The following CNTNAP5 variants were observed in gnomAD, a reference collection of about 807,000 sequenced individuals.
The protein encoded by CNTNAP5 is contactin-associated protein-like 5.
A neutral mutation model predicts 150.2 loss-of-function variants in CNTNAP5; 72 were observed. The observed-to-expected ratio is 0.48, with a 90% CI of 0.40 to 0.58. The LOEUF (loss-of-function observed/expected upper bound fraction) is 0.58, where lower values mean the gene tolerates loss of function less well. Ranked by LOEUF, CNTNAP5 falls within the 20% of genes least tolerant of loss-of-function variation. CNTNAP5 has a pLI of 0.00. For synonymous variants in CNTNAP5, 672 were observed against 619.8 expected, an observed-to-expected ratio of 1.08 and a Z score of -1.25; for missense variants, 1,636 against 1,626.2, an observed-to-expected ratio of 1.01 and a Z score of -0.10.
intron 13 of CNTNAP5, among the ~76,000 whole-genome samples, chr2:124,734,258 CAGAG>C (rs138532680): frequency 1.3e-5 from 2 of 150,012 alleles, no homozygotes; most frequent in Non-Finnish European, 3.0e-5. Flanking sequence ...CAAATGAACA[CAGAG>C]AGAGAGAGAG....
chr2:124,367,362 G>C (rs192506138), intron 3 of CNTNAP5, among the ~76,000 whole-genome samples: 1 of 152,100 alleles, frequency 6.6e-6, no homozygotes, highest in Admixed American at 6.5e-5. Context: ...ATGGTGGAAG[G>C]GGAAGCAAAC....
chr2:124,669,996 T>C (rs1056974139), intron 13 of CNTNAP5, among the ~76,000 whole-genome samples: 1 of 152,166 alleles, frequency 6.6e-6, no homozygotes, highest in African/African-American at 2.4e-5. Flanking sequence ...AGTGATCCAG[T>C]GTCCATCCCC....
Position 124,672,770 on chromosome 2 carries a change from G to A in CNTNAP5, c.2077+24812G>A, listed in dbSNP as rs575814486. 3.3e-5 allele frequency among the ~76,000 whole-genome samples: 5 copies of A among 152,238 alleles called. No homozygotes were observed. The East Asian group carries it at 5.8e-4, about 18-fold the overall frequency. ...ATATGTTCAATAAGTTGGTGTACAT[G>A]TTAAAAAGACTAAAATATGAGTAGG... On this transcript the variant is annotated intron_variant, in intron 13 of 23. Coordinates refer to ENST00000682447, the MANE Select transcript of CNTNAP5 (RefSeq NM_001367498.1).
intron 1 of CNTNAP5, among the ~76,000 whole-genome samples, chr2:124,029,145 ACT>A (rs1489564856): frequency 6.6e-6 from 1 of 151,978 alleles, no homozygotes; most frequent in Non-Finnish European, 1.5e-5. Context: ...GGGATCAAAA[ACT>A]CTTCATTCTA....
At chr2:124,328,112 A>G (rs1689265541) in intron 3 of CNTNAP5, among the ~76,000 whole-genome samples, 1 of 152,172 alleles carries the variant, frequency 6.6e-6, no homozygotes, top group South Asian at 2.1e-4. Context: ...TTTTTAAAAA[A>G]GTTATGTTTA....
chr2:124,365,490 G>A (rs188174815), intron 3 of CNTNAP5, among the ~76,000 whole-genome samples: 5 of 152,134 alleles, frequency 3.3e-5, no homozygotes, highest in Admixed American at 3.3e-4. Flanking sequence ...GTTCAGCTTA[G>A]AATTTCCAAA....
At chr2:124,543,280 G>A (rs1399694559) in intron 10 of CNTNAP5, among the ~76,000 whole-genome samples, 2 of 150,982 alleles carry the variant, frequency 1.3e-5, no homozygotes, top group African/African-American at 2.4e-5. Context: ...AAGCATAGGA[G>A]CACATTATCC....
At chr2:124,605,732 C>T (rs542844086) in intron 11 of CNTNAP5, among the ~76,000 whole-genome samples, 3 of 135,890 alleles carry the variant, frequency 2.2e-5, no homozygotes, top group Non-Finnish European at 1.5e-5. Context: ...AGGAGAATTG[C>T]TTGGACCTGG....
At chr2:124,863,592 A>T (rs992510111) in intron 19 of CNTNAP5, among the ~76,000 whole-genome samples, 1 of 152,186 alleles carries the variant, frequency 6.6e-6, no homozygotes, top group Non-Finnish European at 1.5e-5. Context: ...ACATTTTTCT[A>T]TTCTTAATTT....
At chr2:124,399,564 C>T (rs182743510) in intron 3 of CNTNAP5, among the ~76,000 whole-genome samples, 161 of 151,888 alleles carry the variant, frequency 1.1e-3, no homozygotes, top group African/African-American at 3.6e-3. Flanking sequence ...TAAGGATGAG[C>T]GAGCATCCTA....
intron 1 of CNTNAP5, among the ~76,000 whole-genome samples, chr2:124,175,207 A>G (rs929846987): frequency 7.4e-6 from 1 of 135,516 alleles, no homozygotes; most frequent in African/African-American, 2.8e-5. Flanking sequence ...GCATGTATAC[A>G]TCACACAAGT....
intron 13 of CNTNAP5, among the ~76,000 whole-genome samples, chr2:124,700,709 A>G (rs970647021): frequency 1.3e-5 from 2 of 152,062 alleles, no homozygotes; most frequent in African/African-American, 4.8e-5. Flanking sequence ...TGTAATCTAT[A>G]TACTAGGCCC....
At chr2:124,090,139 G>A (rs1202843890) in intron 1 of CNTNAP5, among the ~76,000 whole-genome samples, 1 of 152,224 alleles carries the variant, frequency 6.6e-6, no homozygotes, top group East Asian at 1.9e-4. Context: ...TATCCTGCAT[G>A]TGAGAAGGTA....
rs950163952 is a variant in CNTNAP5, at chr2:124,594,770, C to T, written c.1757-15031C>T. ...GATATTGATTCTTCCTACCCATGAG[C>T]ATGGAATGTTCTTCCATTTGTTTGT... On this transcript the variant is annotated intron_variant, in intron 11 of 23. Transcript: ENST00000682447. 1.7e-3 allele frequency among the ~76,000 whole-genome samples: 215 copies of T among 127,406 alleles called. 5 individuals are homozygous for T. Among genetic ancestry groups the T allele is most frequent in the African/African-American group, 5.6e-3 (197 of 35,350 alleles). 83.6% of individuals were successfully genotyped at this position (127,406 alleles called of 152,430 possible).
At chr2:124,096,073 G>T (rs4312500) in intron 1 of CNTNAP5, among the ~76,000 whole-genome samples, 148,856 of 152,250 alleles carry the variant, frequency 0.98, 72,861 homozygotes, top group South Asian at 1. Context: ...TCCCGTGCTA[G>T]TCTCAAAAGT....
chr2:124,147,313 A>C (rs1684278515), intron 1 of CNTNAP5, among the ~76,000 whole-genome samples: 1 of 152,190 alleles, frequency 6.6e-6, no homozygotes, highest in Non-Finnish European at 1.5e-5. Flanking sequence ...ATCAGCTAAC[A>C]CACTATATAT....
At chr2:124,804,269 A>G (rs1228019629) in intron 19 of CNTNAP5, among the ~76,000 whole-genome samples, 1 of 152,238 alleles carries the variant, frequency 6.6e-6, no homozygotes, top group East Asian at 1.9e-4. Flanking sequence ...TGATAAGGGC[A>G]GGACAGAGGG....
chr2:124,221,857 T>C (rs1686328669), intron 2 of CNTNAP5, 48 bp downstream of exon 2: 2 of 1,247,784 alleles, frequency 1.6e-6, no homozygotes, highest in East Asian at 2.5e-5. Context: ...AATAATTACG[T>C]GGTGGGTAGG....
At chr2:124,653,456 G>T (rs1367355130) in intron 13 of CNTNAP5, among the ~76,000 whole-genome samples, 1 of 151,200 alleles carries the variant, frequency 6.6e-6, no homozygotes, top group Non-Finnish European at 1.5e-5. Flanking sequence ...TACAATATAT[G>T]ATGTATATAC....
Sources: allele counts gnomAD v4.1 joint callset (sites outside exome capture counted in the v4.1 genomes callset), GRCh38; gene constraint gnomAD v4.1.1; transcripts MANE v1.5; gene names NCBI Gene and HGNC (gene_info 2026-07-23, HGNC 2026-07-21).